Variants in GPC5 observed in about 807,000 individuals in gnomAD.
GPC5 encodes glypican 5, also known as glypican-5.
GPC5 carries 47 observed loss-of-function variants against 53.9 expected under a neutral mutation model. The ratio of observed to expected loss-of-function variants is 0.87; its 90% CI spans 0.69 to 1.11. The LOEUF (loss-of-function observed/expected upper bound fraction) is 1.11, where lower values mean the gene tolerates loss of function less well. GPC5 is among the 50% of genes most tolerant of loss of function. GPC5 has a pLI of 0.00. For missense variants in GPC5, 748 were observed against 713.1 expected, an observed-to-expected ratio of 1.05 and a Z score of -0.56; for synonymous variants, 286 against 263.3, an observed-to-expected ratio of 1.09 and a Z score of -0.84.
At chr13:91,765,430 A>G (rs1355032358) in intron 5 of GPC5, among the ~76,000 whole-genome samples, 2 of 152,252 alleles carry the variant, frequency 1.3e-5, no homozygotes, top group African/African-American at 2.4e-5. Flanking sequence ...GGTGTATGCC[A>G]TCTATTGTCC....
intron 7 of GPC5, among the ~76,000 whole-genome samples, chr13:92,210,214 A>G (rs992086201): frequency 6.6e-6 from 1 of 152,160 alleles, no homozygotes; most frequent in African/African-American, 2.4e-5. Flanking sequence ...GATAGTTAAC[A>G]TGTTATCAGT....
chr13:91,560,965 A>C (rs139116964), intron 2 of GPC5, among the ~76,000 whole-genome samples: 8 of 152,120 alleles, frequency 5.3e-5, no homozygotes, highest in Non-Finnish European at 8.8e-5. Context: ...TCTTCCTTCA[A>C]GCCTTCCCCA....
chr13:92,035,108 G>A (rs1044395806), intron 6 of GPC5, among the ~76,000 whole-genome samples: 1 of 151,912 alleles, frequency 6.6e-6, no homozygotes, highest in African/African-American at 2.4e-5. Flanking sequence ...CCAGCTACTC[G>A]GGAGGCTGAG....
chr13:92,280,443 A>G (rs1165615405), intron 7 of GPC5, among the ~76,000 whole-genome samples: 2 of 152,100 alleles, frequency 1.3e-5, no homozygotes, highest in Non-Finnish European at 2.9e-5. Flanking sequence ...GCATTAAGTT[A>G]TGTTGTCAAT....
At chr13:91,474,272 C>A (rs1882800690) in intron 2 of GPC5, among the ~76,000 whole-genome samples, 1 of 152,012 alleles carries the variant, frequency 6.6e-6, no homozygotes, top group South Asian at 2.1e-4. Context: ...TATAGAAGAT[C>A]TTGGAAGAAT....
At position 92,170,374 on chromosome 13, in the gene GPC5, T is replaced by C. The variant is rs145605235; in HGVS notation, c.1561+25385T>C. On this transcript the variant is annotated intron_variant, in intron 7 of 7. Coordinates refer to ENST00000377067, the MANE Select transcript of GPC5 (RefSeq NM_004466.6). Reference sequence around the variant, plus strand: ...ATTACATTTTTTTCTAAGATAGGACTTCCTATACCCACAAAGCAAGTTTTT... The same window carrying C: ...ATTACATTTTTTTCTAAGATAGGACCTCCTATACCCACAAAGCAAGTTTTT... Among the ~76,000 whole-genome samples the C allele has an allele frequency of 1.6e-3, 248 of 151,512 alleles. 1 individual carries two copies. Among genetic ancestry groups the C allele is most frequent in the African/African-American group, 5.6e-3 (231 of 41,414 alleles).
intron 7 of GPC5, among the ~76,000 whole-genome samples, chr13:92,647,938 G>T (rs1885827553): frequency 1.3e-5 from 2 of 152,002 alleles, no homozygotes; most frequent in African/African-American, 4.8e-5. Flanking sequence ...CTTGTTCCAA[G>T]GGGAGATTAT....
intron 7 of GPC5, among the ~76,000 whole-genome samples, chr13:92,728,044 T>C (rs1243043050): frequency 2.6e-5 from 4 of 151,506 alleles, no homozygotes; most frequent in Admixed American, 1.3e-4. Flanking sequence ...CTTTGGACTA[T>C]GGTGTTTTAA....
intron 2 of GPC5, among the ~76,000 whole-genome samples, chr13:91,487,168 C>A (rs753921924): frequency 6.6e-6 from 1 of 151,952 alleles, no homozygotes; most frequent in East Asian, 1.9e-4. Flanking sequence ...ATTTATTTAA[C>A]GTGCACAAGG....
chr13:91,981,641 A>T (rs2040360746), intron 6 of GPC5, among the ~76,000 whole-genome samples: 3 of 152,180 alleles, frequency 2.0e-5, no homozygotes, highest in African/African-American at 7.2e-5. Context: ...TCAAACATTT[A>T]TTTATTCAGG....
intron 6 of GPC5, among the ~76,000 whole-genome samples, chr13:91,970,616 T>A (rs1042726070): frequency 6.6e-6 from 1 of 152,118 alleles, no homozygotes; most frequent in African/African-American, 2.4e-5. Context: ...TGAGGAGTAA[T>A]AAAAGCAAAA....
chr13:92,277,549 TTGA>T (rs1426453556), intron 7 of GPC5, among the ~76,000 whole-genome samples: 1 of 151,996 alleles, frequency 6.6e-6, no homozygotes, highest in Non-Finnish European at 1.5e-5. Flanking sequence ...TATATGTAAA[TTGA>T]TGATGCATTT....
At chr13:91,613,594 G>A (rs756063798) in intron 2 of GPC5, among the ~76,000 whole-genome samples, 46 of 152,208 alleles carry the variant, frequency 3.0e-4, no homozygotes, top group Non-Finnish European at 6.2e-4. Flanking sequence ...TTAAAATCTG[G>A]AAAATTGAAG....
intron 7 of GPC5, among the ~76,000 whole-genome samples, chr13:92,272,582 G>A (rs1286009439): frequency 6.6e-6 from 1 of 152,134 alleles, no homozygotes; most frequent in African/African-American, 2.4e-5. Flanking sequence ...GTGAAGGAAT[G>A]GCATTGGAAA....
In GPC5 at chr13:92,765,395, T is replaced by C. The variant is rs1875362693; in HGVS notation, c.1562-100887T>C. ...AATAGATTTCAATTTGGATTTTCTT[T>C]CTTAATTCGTTGCAAGTTTATATGG... is the stretch of plus-strand genomic sequence containing the variant. On this transcript the variant is annotated intron_variant, in intron 7 of 7. Transcript: ENST00000377067. 2.0e-5 allele frequency among the ~76,000 whole-genome samples: 3 copies of C among 152,224 alleles called. No individual in the cohort carries two copies. The South Asian group carries it at 6.2e-4, about 31-fold the overall frequency.
chr13:91,462,013 T>C (rs1486226338), intron 2 of GPC5, among the ~76,000 whole-genome samples: 1 of 152,146 alleles, frequency 6.6e-6, no homozygotes, highest in Non-Finnish European at 1.5e-5. Flanking sequence ...TGCCCACTGG[T>C]AATAAAATGA....
chr13:92,429,339 G>A lies in GPC5; in HGVS notation c.1561+284350G>A, dbSNP rs377156500. On this transcript the variant is annotated intron_variant, in intron 7 of 7. Coordinates refer to ENST00000377067, the MANE Select transcript of GPC5 (RefSeq NM_004466.6). ...GTCGCCACATTTCATATTCCAGGAA[G>A]CACATTCACACCTTCCTATGACTAC... Among the ~76,000 whole-genome samples the A allele has an allele frequency of 5.3e-5, 8 of 151,882 alleles. No homozygotes were observed. The East Asian group carries it at 1.4e-3, about 26-fold the overall frequency.
intron 7 of GPC5, among the ~76,000 whole-genome samples, chr13:92,663,895 TATATATATACAC>T (rs1305156572): frequency 3.0e-4 from 6 of 20,164 alleles, no homozygotes; most frequent in Non-Finnish European, 9.4e-4. Flanking sequence ...TATATATATA[TATATATATACAC>T]ACACACACAC....
intron 6 of GPC5, among the ~76,000 whole-genome samples, chr13:92,105,915 C>CAT (rs2041505842): frequency 6.6e-6 from 1 of 151,936 alleles, no homozygotes; most frequent in Non-Finnish European, 1.5e-5. Context: ...CACCTGTTAC[C>CAT]ATATATTAAT....
Sources: gnomAD v4.1 joint callset for allele counts (sites outside exome capture counted in the v4.1 genomes callset) on GRCh38, gnomAD v4.1.1 for gene constraint, MANE v1.5 for transcripts, NCBI Gene and HGNC (gene_info 2026-07-23, HGNC 2026-07-21) for gene names.